LCORL: variants seen among roughly 807,000 people sequenced by gnomAD.
The protein encoded by LCORL is ligand-dependent nuclear receptor corepressor-like protein.
A neutral mutation model predicts 141.8 loss-of-function variants in LCORL; 41 were observed. That is an observed-to-expected ratio of 0.29 (90% confidence interval 0.23 to 0.38). LCORL has a LOEUF of 0.38. Ranked by LOEUF, LCORL falls within the 10% of genes least tolerant of loss-of-function variation. The probability of loss-of-function intolerance (pLI) is 1.00; values close to 1 mark genes in which losing one functional copy is unlikely to be tolerated. For synonymous variants in LCORL, 618 were observed against 694.1 expected (o/e 0.89, Z 1.72); for missense variants, 1,759 against 2,035.0 (o/e 0.86, Z 2.61).
intron 1 of LCORL, among the ~76,000 whole-genome samples, chr4:17,990,282 T>C (rs916753518): frequency 1.3e-5 from 2 of 151,806 alleles, no homozygotes; most frequent in African/African-American, 4.8e-5. Context: ...GTATTTTTAG[T>C]ACAGATGGGG....
chr4:17,953,647 G>A (rs946352288), intron 4 of LCORL, among the ~76,000 whole-genome samples: 2 of 152,136 alleles, frequency 1.3e-5, no homozygotes, highest in African/African-American at 2.4e-5. Flanking sequence ...TTAAAAAACC[G>A]TTGAAAGGCC....
chr4:17,909,533 C>A (rs1046323514), intron 4 of LCORL, among the ~76,000 whole-genome samples, 188 bp from the exon 5 acceptor site: 1 of 151,998 alleles, frequency 6.6e-6, no homozygotes, highest in Admixed American at 6.6e-5. Flanking sequence ...AATATATCAA[C>A]CAAAAATGTG....
chr4:17,889,211 C>T (rs1728725570), intron 5 of LCORL, among the ~76,000 whole-genome samples: 1 of 152,070 alleles, frequency 6.6e-6, no homozygotes, highest in Non-Finnish European at 1.5e-5. Flanking sequence ...AGCTCTACTC[C>T]ATCTTTCAGA....
intron 7 of LCORL, among the ~76,000 whole-genome samples, chr4:17,864,682 C>G (rs1725433293): frequency 6.6e-6 from 1 of 152,188 alleles, no homozygotes; most frequent in Non-Finnish European, 1.5e-5. Context: ...AAGTGGTCTA[C>G]TGAAAAGGCA....
intron 6 of LCORL, chr4:17,881,158 CTT>C (rs878999700): frequency 6.5e-6 from 5 of 766,648 alleles, no homozygotes; most frequent in South Asian, 5.9e-5. Context: ...TCTTTTCCTT[CTT>C]TTTTTTTTTA....
intron 1 of LCORL, among the ~76,000 whole-genome samples, chr4:18,017,469 T>C (rs1420245282): frequency 1.3e-5 from 2 of 152,152 alleles, no homozygotes; most frequent in African/African-American, 4.8e-5. Context: ...TCACCAACAT[T>C]GGTACACACC....
chr4:17,893,072 A>G (rs1201583303), intron 5 of LCORL, among the ~76,000 whole-genome samples: 1 of 152,214 alleles, frequency 6.6e-6, no homozygotes, highest in Non-Finnish European at 1.5e-5. Context: ...GTACAATCTA[A>G]CTATACAGTT....
intron 7 of LCORL, among the ~76,000 whole-genome samples, chr4:17,849,672 G>C (rs539531622): frequency 4.1e-4 from 63 of 152,150 alleles, no homozygotes; most frequent in Non-Finnish European, 8.4e-4. Flanking sequence ...AAGCTGGACG[G>C]AAGAATCAAT....
At chr4:17,961,405 T>C (rs576073062) in intron 4 of LCORL, among the ~76,000 whole-genome samples, 4 of 152,108 alleles carry the variant, frequency 2.6e-5, no homozygotes, top group East Asian at 3.9e-4. Context: ...AAAAAGAACA[T>C]TGATTTTTTT....
chr4:17,873,302 C>T (rs1560274180), intron 7 of LCORL, 86 bp downstream of exon 7: 2 of 872,188 alleles, frequency 2.3e-6, no homozygotes, highest in East Asian at 6.7e-5. Flanking sequence ...CTAATTAAAA[C>T]TGCATCAGCT....
chr4:17,991,183 G>C (rs1330488979), intron 1 of LCORL, among the ~76,000 whole-genome samples: 2 of 152,212 alleles, frequency 1.3e-5, no homozygotes, highest in South Asian at 2.1e-4. Context: ...CTCATCACTA[G>C]TTAATCCTCC....
intron 6 of LCORL, chr4:17,883,759 T>C: frequency 6.5e-7 from 1 of 1,545,278 alleles, no homozygotes; most frequent in East Asian, 2.4e-5. Flanking sequence ...TGCCAGTCCC[T>C]GAATCTGTCA....
At chr4:17,882,225 AC>A in intron 6 of LCORL, 1 of 984,680 alleles carries the variant, frequency 1.0e-6, no homozygotes, top group Non-Finnish European at 1.2e-6. Context: ...GACAAGGTGC[AC>A]TTATTTTTTA....
At chr4:17,842,588 A>G (rs1045740432) in exon 8 of LCORL, 5 of 521,036 alleles carry the variant, frequency 9.6e-6, no homozygotes, top group South Asian at 4.5e-5. Context: ...ATTAGCTGGC[A>G]TGGTCTTTAG....
chr4:18,011,289 T>C (rs1164832720), intron 1 of LCORL, among the ~76,000 whole-genome samples: 3 of 152,202 alleles, frequency 2.0e-5, no homozygotes, highest in Non-Finnish European at 2.9e-5. Flanking sequence ...CTGCTCATTT[T>C]CCCAGTTTTG....
intron 4 of LCORL, among the ~76,000 whole-genome samples, chr4:17,936,927 C>G (rs762436619): frequency 2.6e-5 from 4 of 152,106 alleles, no homozygotes; most frequent in Non-Finnish European, 5.9e-5. Context: ...TAAAGTTGAA[C>G]AAATATGTAA....
intron 4 of LCORL, chr4:17,912,633 T>C: frequency 2.5e-6 from 1 of 393,832 alleles, no homozygotes; most frequent in South Asian, 2.0e-5. Flanking sequence ...CTGGACTTGA[T>C]GAGAAATCTG....
chr4:17,849,373 TCTG>T (rs748596258), intron 7 of LCORL, among the ~76,000 whole-genome samples: 37 of 152,052 alleles, frequency 2.4e-4, no homozygotes, highest in Non-Finnish European at 4.4e-4. Flanking sequence ...TTCACGAAAA[TCTG>T]CTGTTCTGCA....
Position 17,884,954 on chromosome 4 carries a change from C to T in LCORL, c.776+1114G>A, listed in dbSNP as rs1051158732. On this transcript the variant is annotated intron_variant, in intron 6 of 7. Transcript: ENST00000635767. This position sits in a 1 kb window ranked among gnomAD's most constrained non-coding sequence, Gnocchi z 4.4. ...CTGGTAGGACAATGTGACAATGATA[C>T]GGTGGCCTCAACGGGCAGACCTTCC... is the stretch of plus-strand genomic sequence containing the variant. 3.3e-5 allele frequency among the ~76,000 whole-genome samples: 5 copies of T among 151,926 alleles called. No individual in the cohort carries two copies. Among genetic ancestry groups the T allele is most frequent in the East Asian group, 1.9e-4 (1 of 5,186 alleles).
Sources: gnomAD v4.1 joint callset for allele counts (sites outside exome capture counted in the v4.1 genomes callset) on GRCh38, gnomAD v4.1.1 for gene constraint, Gnocchi (gnomAD v3.1) non-coding constraint, MANE v1.5 for transcripts, NCBI Gene and HGNC (gene_info 2026-07-23, HGNC 2026-07-21) for gene names.